AHI1: variants seen among roughly 807,000 people sequenced by gnomAD.
The protein encoded by AHI1 is Abelson helper integration site 1.
A neutral mutation model predicts 149.3 loss-of-function variants in AHI1; 123 were observed. That is an observed-to-expected ratio of 0.82 (90% CI 0.71 to 0.96). The LOEUF (loss-of-function observed/expected upper bound fraction) is 0.96, where lower values mean the gene tolerates loss of function less well. AHI1 is among the 40% of genes least tolerant of loss of function. The pLI is 0.00. For synonymous variants in AHI1, 475 were observed against 459.8 expected (o/e 1.03, Z -0.42); for missense variants, 1,439 against 1,422.7 (o/e 1.01, Z -0.18).
chr6:135,290,742 G>A lies in AHI1; in HGVS notation c.3486-217C>T, dbSNP rs187246655. On this transcript the variant is annotated intron_variant, in intron 27 of 28. Coordinates refer to ENST00000265602, the MANE Select transcript of AHI1 (RefSeq NM_001134831.2). ...AACGTTAACAGACAAACCTTTGGCT[G>A]GTTGGGCTCCTTCTTAGCCATGATA... Among the ~76,000 whole-genome samples the A allele has an allele frequency of 1.2e-4, 18 of 152,196 alleles. No individual in the cohort carries two copies. The East Asian group carries it at 3.1e-3, about 26-fold the overall frequency.
chr6:135,320,941 C>G (rs1227091954), intron 25 of AHI1, among the ~76,000 whole-genome samples: 1 of 152,188 alleles, frequency 6.6e-6, no homozygotes, highest in Non-Finnish European at 1.5e-5. Context: ...TTTAGATGAT[C>G]TGGAAGTTAG....
At chr6:135,352,742 A>G (rs1260017118) in intron 24 of AHI1, among the ~76,000 whole-genome samples, 1 of 149,310 alleles carries the variant, frequency 6.7e-6, no homozygotes, top group Non-Finnish European at 1.5e-5. Context: ...CACACAATAT[A>G]TATACACACA....
chr6:135,477,234 G>T (rs1792820634), intron 5 of AHI1, among the ~76,000 whole-genome samples: 1 of 151,870 alleles, frequency 6.6e-6, no homozygotes, highest in African/African-American at 2.4e-5. Context: ...TAGAGACGGG[G>T]TTTCACTGTG....
At chr6:135,318,403 C>A in intron 26 of AHI1, 116 bp downstream of exon 26, 1 of 731,672 alleles carries the variant, frequency 1.4e-6, no homozygotes, top group Non-Finnish European at 2.3e-6. Flanking sequence ...TGTACCAAGA[C>A]ATAAAAAATA....
intron 23 of AHI1, 143 bp downstream of exon 23, chr6:135,394,633 G>A (rs1778964008): frequency 8.4e-7 from 1 of 1,194,694 alleles, no homozygotes; most frequent in Non-Finnish European, 1.2e-6. Flanking sequence ...TGATTTTAAG[G>A]ACAAAAGAGA....
chr6:135,303,100 CA>C lies in AHI1; in HGVS notation c.3427-2543del, dbSNP rs573155648. Reference sequence around the variant, plus strand: ...TTAGTGATGCTTTTAAATTTAAATGCAATGATAGTTAACATAAAATAAATGA... The same window carrying C: ...TTAGTGATGCTTTTAAATTTAAATGCATGATAGTTAACATAAAATAAATGA... On this transcript the variant is annotated intron_variant, in intron 26 of 28. Transcript: ENST00000265602. Among the ~76,000 whole-genome samples the C allele has an allele frequency of 2.4e-4, 36 of 152,162 alleles. No individual in the cohort carries two copies. In the South Asian group the frequency reaches 2.5e-3, roughly 11 times the overall value.
At chr6:135,462,390 G>C (rs1404949776) in intron 8 of AHI1, among the ~76,000 whole-genome samples, 1 of 152,050 alleles carries the variant, frequency 6.6e-6, no homozygotes, top group Non-Finnish European at 1.5e-5. Context: ...AAGGAAAGAA[G>C]TGGTATTAGG....
At position 135,406,757 on chromosome 6, in the gene AHI1, T is replaced by C. The variant is rs75778819; in HGVS notation, c.2962-1780A>G. On this transcript the variant is annotated intron_variant, in intron 21 of 28. Coordinates refer to ENST00000265602, the MANE Select transcript of AHI1 (RefSeq NM_001134831.2). ...TCATTAGCCTGGGCTTCAGGTTAAA[T>C]TTAGACAGGATGAGATCTTGAGTGT... Among the ~76,000 whole-genome samples, 181 of 152,320 alleles carry C rather than the reference T, an allele frequency of 1.2e-3. 1 individual carries two copies. Among genetic ancestry groups the C allele is most frequent in the African/African-American group, 4.2e-3 (174 of 41,574 alleles).
intron 5 of AHI1, chr6:135,489,895 CA>C (rs879147569): frequency 0.059 from 8,493 of 143,550 alleles, 1 homozygote; most frequent in East Asian, 0.079. Context: ...AAACTCCTGC[CA>C]AAAAAAAAAA....
intron 20 of AHI1, among the ~76,000 whole-genome samples, chr6:135,414,250 G>GA (rs1223545720): frequency 1.3e-5 from 2 of 152,124 alleles, no homozygotes; most frequent in Middle Eastern, 3.4e-3. Flanking sequence ...ATTCATATGT[G>GA]AAAAAAATGA....
intron 26 of AHI1, among the ~76,000 whole-genome samples, chr6:135,317,402 C>T (rs980662273): frequency 1.3e-5 from 2 of 150,716 alleles, no homozygotes; most frequent in Non-Finnish European, 1.5e-5. Context: ...AACTTACTCA[C>T]GTTATTCCCT....
intron 26 of AHI1, among the ~76,000 whole-genome samples, chr6:135,307,677 T>C (rs1784674136): frequency 6.6e-6 from 1 of 151,336 alleles, no homozygotes; most frequent in Admixed American, 6.6e-5. Flanking sequence ...TTAATTACAA[T>C]ATTTATAATA....
At chr6:135,359,404 CAG>C (rs1793496656) in intron 23 of AHI1, among the ~76,000 whole-genome samples, 1 of 152,088 alleles carries the variant, frequency 6.6e-6, no homozygotes, top group African/African-American at 2.4e-5. Flanking sequence ...AGCAAATGAA[CAG>C]AGTTTCATCT....
chr6:135,382,946 T>TATAC (rs1225351306), intron 23 of AHI1, among the ~76,000 whole-genome samples: 3 of 107,824 alleles, frequency 2.8e-5, no homozygotes, highest in African/African-American at 1.0e-4. Context: ...TATATATATA[T>TATAC]ATATATATAC....
chr6:135,467,937 C>T (rs1791049944), intron 5 of AHI1, among the ~76,000 whole-genome samples: 1 of 152,002 alleles, frequency 6.6e-6, no homozygotes, highest in African/African-American at 2.4e-5. Context: ...TTCGGTGCTA[C>T]AAGATGAATC....
intron 5 of AHI1, chr6:135,489,965 G>C (rs1795022930): frequency 2.4e-6 from 1 of 420,282 alleles, no homozygotes; most frequent in African/African-American, 2.1e-5. Context: ...GGACAGAAGA[G>C]ATAATGGTCA....
At chr6:135,389,433 A>C (rs902193792) in intron 23 of AHI1, among the ~76,000 whole-genome samples, 1 of 152,238 alleles carries the variant, frequency 6.6e-6, no homozygotes, top group African/African-American at 2.4e-5. Context: ...ATCTTGTTTA[A>C]ATCAAATATT....
At chr6:135,368,990 T>C (rs1208057955) in intron 23 of AHI1, among the ~76,000 whole-genome samples, 2 of 152,202 alleles carry the variant, frequency 1.3e-5, no homozygotes, top group Non-Finnish European at 2.9e-5. Context: ...TCCTTCTCCT[T>C]GTTGTCTTTC....
Position 135,411,593 on chromosome 6 carries a change from A to G in AHI1, c.2765-49T>C, listed in dbSNP as rs1781604287. ...GTTAAATCATCATAGCAAAAGCATA[A>G]TCAAGCCCTAAAACTGTAGCATTCA... is the stretch of plus-strand genomic sequence containing the variant. On this transcript the variant is annotated intron_variant, in intron 20 of 28. Transcript: ENST00000265602. 17 of 1,444,764 alleles carry G rather than the reference A, an allele frequency of 1.2e-5. No homozygotes were observed. In the South Asian group the frequency reaches 1.7e-4, roughly 15 times the overall value. 89.5% of individuals were successfully genotyped at this position (1,444,764 alleles called of 1,614,324 possible).
Sources: gnomAD v4.1 joint callset for allele counts (sites outside exome capture counted in the v4.1 genomes callset) on GRCh38, gnomAD v4.1.1 for gene constraint, MANE v1.5 for transcripts, NCBI Gene and HGNC (gene_info 2026-07-23, HGNC 2026-07-21) for gene names.